The following ASTN2 variants were observed in gnomAD, a reference collection of about 807,000 sequenced individuals.
ASTN2 encodes the protein astrotactin-2.
A neutral mutation model predicts 139.8 loss-of-function variants in ASTN2; 54 were observed. That is an observed-to-expected ratio of 0.39 (90% CI 0.31 to 0.48). The LOEUF (loss-of-function observed/expected upper bound fraction) is 0.48, where lower values mean the gene tolerates loss of function less well. Ranked by LOEUF, ASTN2 falls within the 20% of genes least tolerant of loss-of-function variation. ASTN2 has a pLI of 0.95. For synonymous variants in ASTN2, 756 were observed against 719.5 expected (o/e 1.05, Z -0.81); for missense variants, 1,565 against 1,725.1 (o/e 0.91, Z 1.64).
chr9:116,781,103 G>C lies in ASTN2; in HGVS notation c.2396+24529C>G, dbSNP rs1276520768. On this transcript the variant is annotated intron_variant, in intron 13 of 22. Transcript: ENST00000313400. ...GATCCGCCCACCTCGGCCTCCCAAA[G>C]TGTTGGGATTACATGAGCCACCCTG... Among the ~76,000 whole-genome samples, 14 of 152,136 alleles carry C rather than the reference G, an allele frequency of 9.2e-5. 1 individual carries two copies. Among genetic ancestry groups the C allele is most frequent in the Admixed American group, 9.2e-4 (14 of 15,280 alleles).
chr9:116,803,481 AATAT>A (rs1168011369), intron 13 of ASTN2, among the ~76,000 whole-genome samples: 113 of 80,030 alleles, frequency 1.4e-3, no homozygotes, highest in South Asian at 2.6e-3. Flanking sequence ...AAGTTCGAAT[AATAT>A]ATATATATAT....
chr9:116,559,007 C>A (rs1026831284), intron 19 of ASTN2, among the ~76,000 whole-genome samples: 5 of 152,194 alleles, frequency 3.3e-5, no homozygotes, highest in African/African-American at 1.2e-4. Context: ...AAACATGCAA[C>A]AGATTGTTGC....
Position 116,948,227 on chromosome 9 carries a change from G to A in ASTN2, c.1889+26981C>T, listed in dbSNP as rs149766951. 2.3e-3 allele frequency among the ~76,000 whole-genome samples: 347 copies of A among 152,256 alleles called. 1 individual carries two copies. The highest frequency in any genetic ancestry group is 8.0e-3 in the African/African-American group (333 of 41,550). On this transcript the variant is annotated intron_variant, in intron 10 of 22. Transcript: ENST00000313400. ...AGTAACTCTTTATTCCTTTGTAATT[G>A]TGAAGTCCTTTGTGGGGAGGTACTT...
chr9:117,288,421 T>C (rs777846639), intron 2 of ASTN2, among the ~76,000 whole-genome samples: 7 of 152,158 alleles, frequency 4.6e-5, no homozygotes, highest in African/African-American at 9.7e-5. Context: ...CCAGACTTCT[T>C]TGAGATTTGA....
intron 16 of ASTN2, among the ~76,000 whole-genome samples, chr9:116,689,680 G>A (rs1860464436): frequency 6.6e-6 from 1 of 152,200 alleles, no homozygotes; most frequent in South Asian, 2.1e-4. Context: ...AGGATTGCCA[G>A]TGAGTATCAC....
chr9:117,138,597 T>C lies in ASTN2; in HGVS notation c.1168+2729A>G, dbSNP rs535413268. ...TAAGCAGGGGAGGGGCTTTCTCTGGTTTATCTTTCTAAAAGATTGCTTTGG... is the reference window on the plus strand; with the variant it reads ...TAAGCAGGGGAGGGGCTTTCTCTGGCTTATCTTTCTAAAAGATTGCTTTGG... On this transcript the variant is annotated intron_variant, in intron 4 of 22. Transcript: ENST00000313400. Among the ~76,000 whole-genome samples the C allele has an allele frequency of 2.6e-5, 4 of 152,328 alleles. No individual in the cohort carries two copies. In the East Asian group the frequency reaches 5.8e-4, roughly 22 times the overall value.
In ASTN2 at chr9:116,426,027, G is replaced by T. The variant is rs73520334; in HGVS notation, c.3844C>A (p.Arg1282=). ...RVSSHCSSLL[R]SAYIQSRVET... is the part of the protein sequence containing the mutation. ...ACGCGGCTCTGGATGTAGGCACTCCGCAGGAGGCTGGAGCAGTGGCTACTC... is the reference window on the plus strand; with the variant it reads ...ACGCGGCTCTGGATGTAGGCACTCCTCAGGAGGCTGGAGCAGTGGCTACTC... Residue 1282 remains arginine, a synonymous_variant, in exon 23 of 23, where the codon CGG becomes AGG. Coordinates refer to ENST00000313400, the MANE Select transcript of ASTN2 (RefSeq NM_001365068.1). 3.5e-3 allele frequency: 5,643 copies of T among 1,614,008 alleles called. 162 individuals are homozygous for T. The African/African-American group carries it at 0.066, about 19-fold the overall frequency.
chr9:116,499,581 C>T (rs1459263142), intron 19 of ASTN2, among the ~76,000 whole-genome samples: 1 of 152,246 alleles, frequency 6.6e-6, no homozygotes, highest in Non-Finnish European at 1.5e-5. Context: ...TCCCCTCATG[C>T]ACTGGGAGGA....
intron 1 of ASTN2, among the ~76,000 whole-genome samples, chr9:117,322,195 A>G (rs1213049313): frequency 6.6e-6 from 1 of 152,134 alleles, no homozygotes; most frequent in Non-Finnish European, 1.5e-5. Context: ...TCTGTTTGAC[A>G]GCAAGTTGTA....
At chr9:116,474,117 G>C (rs1043229170) in intron 20 of ASTN2, among the ~76,000 whole-genome samples, 1 of 152,156 alleles carries the variant, frequency 6.6e-6, no homozygotes, top group African/African-American at 2.4e-5. Context: ...TCTGAGATTT[G>C]AAATGACCCT....
At chr9:117,359,881 T>C (rs1829646127) in intron 1 of ASTN2, among the ~76,000 whole-genome samples, 1 of 152,130 alleles carries the variant, frequency 6.6e-6, no homozygotes, top group South Asian at 2.1e-4. Flanking sequence ...AAATGATGAC[T>C]AGATCAAGCA....
intron 16 of ASTN2, chr9:116,687,482 G>A (rs971456918): frequency 2.2e-3 from 309 of 142,224 alleles, no homozygotes; most frequent in Non-Finnish European, 3.7e-3. Flanking sequence ...TGCAGCGGCC[G>A]CGCCCGAATG....
At chr9:116,744,568 A>T (rs1041833646) in intron 13 of ASTN2, among the ~76,000 whole-genome samples, 2 of 152,166 alleles carry the variant, frequency 1.3e-5, no homozygotes, top group African/African-American at 4.8e-5. Context: ...CACAGATTTG[A>T]GAGAGAGTCA....
chr9:116,501,350 T>C (rs939539462), intron 19 of ASTN2, among the ~76,000 whole-genome samples: 6 of 152,234 alleles, frequency 3.9e-5, no homozygotes, highest in Admixed American at 1.3e-4. Context: ...CACATTTTCT[T>C]AATCCAGTCT....
chr9:117,167,651 T>A (rs1459406886), intron 3 of ASTN2, among the ~76,000 whole-genome samples: 3 of 152,018 alleles, frequency 2.0e-5, no homozygotes, highest in Non-Finnish European at 4.4e-5. Flanking sequence ...GGAAAAAAAA[T>A]ATCTATTTAG....
Position 117,245,077 on chromosome 9 carries a change from T to TA in ASTN2, c.631-30336dup, listed in dbSNP as rs939720990. Among the ~76,000 whole-genome samples the TA allele has an allele frequency of 4.6e-5, 7 of 151,432 alleles. No individual in the cohort carries two copies. In the South Asian group the frequency reaches 8.4e-4, roughly 18 times the overall value. ...AGGTGGCTAAAGCATTGAACAAAAC[T>TA]AAAAAAAAGAGCTCGATTCATCCTC... is the stretch of plus-strand genomic sequence containing the variant. On this transcript the variant is annotated intron_variant, in intron 2 of 22. Transcript: ENST00000313400.
At chr9:117,121,239 G>A (rs1829550884) in intron 4 of ASTN2, among the ~76,000 whole-genome samples, 1 of 152,198 alleles carries the variant, frequency 6.6e-6, no homozygotes, top group East Asian at 1.9e-4. Context: ...TTATGTTGGT[G>A]CATCACTGGG....
intron 5 of ASTN2, among the ~76,000 whole-genome samples, chr9:117,072,601 G>A (rs1011247641): frequency 2.6e-5 from 4 of 152,218 alleles, no homozygotes; most frequent in African/African-American, 9.6e-5. Context: ...ACTCATCTAA[G>A]TCAGGGCCCT....
chr9:116,569,928 G>A (rs897437461), intron 19 of ASTN2, among the ~76,000 whole-genome samples: 6 of 152,146 alleles, frequency 3.9e-5, no homozygotes, highest in African/African-American at 1.2e-4. Context: ...CCGTCATGCC[G>A]TCTAATTCAG....
Sources: allele counts gnomAD v4.1 joint callset (sites outside exome capture counted in the v4.1 genomes callset), GRCh38; gene constraint gnomAD v4.1.1; transcripts MANE v1.5; gene names NCBI Gene and HGNC (gene_info 2026-07-23, HGNC 2026-07-21).